PSMA6: variants seen among roughly 807,000 people sequenced by gnomAD.
PSMA6 encodes proteasome subunit alpha type-6.
For missense variants in PSMA6, 170 were observed against 294.8 expected (o/e 0.58, Z 3.10); for synonymous variants, 88 against 97.7 (o/e 0.90, Z 0.59).
Position 35,283,571 on chromosome 14 carries a change from T to C in PSMA6, c.19+4853T>C, listed in dbSNP as rs967473288. ...AGAACTCTTTTTTTTTTTTTTTTTTTAGGAGATGGGGTCTCACTCTGTTGC... is the reference window on the plus strand; with the variant it reads ...AGAACTCTTTTTTTTTTTTTTTTTTCAGGAGATGGGGTCTCACTCTGTTGC... On this transcript the variant is annotated intron_variant, in intron 1 of 6. Transcript: ENST00000540871. Among the ~76,000 whole-genome samples, 19 of 140,548 alleles carry C rather than the reference T, an allele frequency of 1.4e-4. No homozygotes were observed. In the East Asian group the frequency reaches 1.6e-3, roughly 12 times the overall value. The allele number at this position is 140,548 out of a possible 152,430, so 92.2% of individuals were successfully genotyped here. A position where few individuals can be genotyped will look rare whatever the true frequency, so the allele number is the denominator to read the frequency against.
chr14:35,307,595 G>A (rs2051853904), intron 1 of PSMA6, among the ~76,000 whole-genome samples: 1 of 152,054 alleles, frequency 6.6e-6, no homozygotes, highest in Non-Finnish European at 1.5e-5. Context: ...TTAGCCAGAT[G>A]TGGTGGCACG....
chr14:35,286,729 A>G (rs1283334531), intron 1 of PSMA6, among the ~76,000 whole-genome samples: 2 of 152,136 alleles, frequency 1.3e-5, no homozygotes, highest in Non-Finnish European at 2.9e-5. Flanking sequence ...AATGGCTGAG[A>G]TAATCCAGGC....
At chr14:35,310,618 G>A (rs922984605) in intron 3 of PSMA6, 122 bp from the exon 4 acceptor site, 11 of 910,928 alleles carry the variant, frequency 1.2e-5, no homozygotes, top group African/African-American at 3.4e-5. Context: ...AAGCCGTAGC[G>A]GACCCTTTCT....
intron 1 of PSMA6, among the ~76,000 whole-genome samples, chr14:35,283,193 G>A (rs2051385458): frequency 1.3e-5 from 2 of 151,846 alleles, no homozygotes; most frequent in South Asian, 4.1e-4. Flanking sequence ...CTCCAAAATA[G>A]TATGTCTAGT....
At chr14:35,283,161 C>G (rs1344411160) in intron 1 of PSMA6, among the ~76,000 whole-genome samples, 4 of 151,806 alleles carry the variant, frequency 2.6e-5, no homozygotes, top group African/African-American at 9.7e-5. Context: ...TGTACATTGG[C>G]ATAGAATCAA....
chr14:35,314,326 A>C (rs760739032), intron 5 of PSMA6, 35 bp from the exon 6 acceptor site: 1 of 1,538,584 alleles, frequency 6.5e-7, no homozygotes, highest in Non-Finnish European at 8.8e-7. Context: ...ATCTCTAAAA[A>C]ATACTATATT....
At chr14:35,313,167 T>G in intron 5 of PSMA6, 108 bp downstream of exon 5, 1 of 1,071,150 alleles carries the variant, frequency 9.3e-7, no homozygotes, top group East Asian at 2.9e-5. Flanking sequence ...AGGATTCAAG[T>G]TGTCAACTTA....
chr14:35,285,348 C>A (rs1109185), intron 1 of PSMA6, among the ~76,000 whole-genome samples: 26,391 of 46,394 alleles, frequency 0.57, 4,471 homozygotes, highest in African/African-American at 0.64. Context: ...TCAAAAAAAA[C>A]AAAAAACAAA....
chr14:35,292,663 C>T, intron 1 of PSMA6, 111 bp downstream of exon 1: 1 of 1,520,312 alleles, frequency 6.6e-7, no homozygotes, highest in Non-Finnish European at 8.8e-7. Context: ...TGGGCTGGAG[C>T]TGGGAAGGGA....
At chr14:35,292,275 C>G (rs907653821), upstream of PSMA6, 1 of 1,384,880 alleles carries the variant, frequency 7.2e-7, no homozygotes, top group Non-Finnish European at 9.3e-7. Context: ...CTCCCGCCCT[C>G]ACTCCACCAC....
In PSMA6 at chr14:35,292,454, T is replaced by C; in HGVS notation, c.-23T>C. The C allele has an allele frequency of 6.2e-7, 1 of 1,610,380 alleles. No homozygotes were observed. Among genetic ancestry groups the C allele is most frequent in the Non-Finnish European group, 8.5e-7 (1 of 1,178,306 alleles). On this transcript the variant is annotated 5_prime_UTR_variant, in exon 1 of 7. Transcript: ENST00000261479. ...GGAGCTACGGGGCCCAGGGATTGTG[T>C]TTAAAGTAGTGCTTCTACCAACATG...
chr14:35,311,074 G>T, intron 4 of PSMA6, 179 bp downstream of exon 4: 2 of 569,734 alleles, frequency 3.5e-6, no homozygotes, highest in Non-Finnish European at 5.9e-6. Context: ...AGTATGTCGG[G>T]CATTATCTTT....
chr14:35,296,471 C>G (rs1297525805), intron 1 of PSMA6, among the ~76,000 whole-genome samples: 2 of 152,108 alleles, frequency 1.3e-5, no homozygotes, highest in Non-Finnish European at 2.9e-5. Flanking sequence ...GCTGGGATTA[C>G]AGGCGCCTGC....
At chr14:35,290,621 T>C (rs1035831612), upstream of PSMA6, among the ~76,000 whole-genome samples, 5 of 152,192 alleles carry the variant, frequency 3.3e-5, no homozygotes, top group Admixed American at 3.3e-4. Flanking sequence ...GTTTAGGAAA[T>C]ACATTAAAGG....
At chr14:35,296,098 T>C (rs1454897140) in intron 1 of PSMA6, among the ~76,000 whole-genome samples, 1 of 152,258 alleles carries the variant, frequency 6.6e-6, no homozygotes, top group East Asian at 1.9e-4. Flanking sequence ...AATGGACTGG[T>C]GGAGACATAC....
upstream of PSMA6, chr14:35,278,592 TC>T (rs1283648653): frequency 1.7e-6 from 2 of 1,153,986 alleles, no homozygotes; most frequent in African/African-American, 3.1e-5. Context: ...CCAGTGGAAT[TC>T]CCTGACGATT....
intron 1 of PSMA6, among the ~76,000 whole-genome samples, chr14:35,295,407 TGGC>T: frequency 6.6e-6 from 1 of 151,750 alleles, no homozygotes; most frequent in Non-Finnish European, 1.5e-5. Flanking sequence ...AACATATTAT[TGGC>T]AGTGTTTGCT....
chr14:35,298,709 T>C (rs1454119843), intron 1 of PSMA6, among the ~76,000 whole-genome samples: 1 of 150,484 alleles, frequency 6.6e-6, no homozygotes, highest in African/African-American at 2.5e-5. Flanking sequence ...CCATAAACTA[T>C]TATTTTTATC....
intron 1 of PSMA6, among the ~76,000 whole-genome samples, chr14:35,281,750 T>C (rs2051367872): frequency 6.6e-6 from 1 of 152,188 alleles, no homozygotes; most frequent in Admixed American, 6.6e-5. Flanking sequence ...CTTCCCTAGG[T>C]TACTTAAAAA....
Sources: gnomAD v4.1 joint callset for allele counts (sites outside exome capture counted in the v4.1 genomes callset) on GRCh38, gnomAD v4.1.1 for gene constraint, MANE v1.5 for transcripts, NCBI Gene and HGNC (gene_info 2026-07-23, HGNC 2026-07-21) for gene names.